NACC2: variants seen among roughly 807,000 people sequenced by gnomAD.
NACC2 encodes nucleus accumbens-associated protein 2.
In NACC2, 8 loss-of-function variants were observed where a neutral mutation model predicts 25.1. That is an observed-to-expected ratio of 0.32 (90% CI 0.19 to 0.57). The LOEUF is 0.57. NACC2 is among the 20% of genes least tolerant of loss of function. The probability of loss-of-function intolerance (pLI) is 0.89; values close to 1 mark genes in which losing one functional copy is unlikely to be tolerated. For synonymous variants in NACC2, 435 were observed against 294.7 expected (o/e 1.48, Z -4.88); for missense variants, 644 against 650.2 (o/e 0.99, Z 0.10).
intron 1 of NACC2, among the ~76,000 whole-genome samples, chr9:136,052,286 A>G (rs1001451160): frequency 6.6e-6 from 1 of 152,196 alleles, no homozygotes; most frequent in Non-Finnish European, 1.5e-5. Context: ...CTGGAAATTT[A>G]TGGTGCAGTT....
chr9:136,087,672 C>G (rs535614631), intron 1 of NACC2, among the ~76,000 whole-genome samples: 26 of 152,316 alleles, frequency 1.7e-4, no homozygotes, highest in Admixed American at 1.6e-3. Flanking sequence ...AAAACTGAGA[C>G]CCAGGGAGGC....
intron 1 of NACC2, among the ~76,000 whole-genome samples, chr9:136,052,944 G>A (rs1840869386): frequency 6.6e-6 from 1 of 152,246 alleles, no homozygotes; most frequent in Non-Finnish European, 1.5e-5. Flanking sequence ...TCTGCGTGGG[G>A]CCCTGAGGCT....
chr9:136,083,527 C>A (rs1830346993), intron 1 of NACC2, among the ~76,000 whole-genome samples: 2 of 152,252 alleles, frequency 1.3e-5, no homozygotes, highest in South Asian at 4.1e-4. Flanking sequence ...CACATGAGAG[C>A]TTCCCAGATT....
At chr9:136,087,507 C>T (rs1179716043) in intron 1 of NACC2, among the ~76,000 whole-genome samples, 3 of 152,210 alleles carry the variant, frequency 2.0e-5, no homozygotes, top group African/African-American at 4.8e-5. Context: ...GAAGGGAGGG[C>T]GACAGAGCCA....
intron 1 of NACC2, among the ~76,000 whole-genome samples, chr9:136,068,483 G>C (rs1248086889): frequency 2.3e-5 from 3 of 133,008 alleles, no homozygotes; most frequent in Non-Finnish European, 4.7e-5. Context: ...TGGGCAACAA[G>C]AGTGAAACTC....
intron 3 of NACC2, among the ~76,000 whole-genome samples, chr9:136,015,870 T>C (rs17040637): frequency 0.023 from 3,473 of 152,316 alleles, 120 homozygotes; most frequent in African/African-American, 0.079. Flanking sequence ...GACTCGGACG[T>C]GTTTGTTCTG....
chr9:136,022,321 T>C lies in NACC2; in HGVS notation c.887-5892A>G, dbSNP rs575248397. On this transcript the variant is annotated intron_variant, in intron 2 of 5. Coordinates refer to ENST00000277554, the MANE Select transcript of NACC2 (RefSeq NM_144653.5). The surrounding 1 kb of genome is among the most constrained non-coding windows in gnomAD (Gnocchi z 4.4). Reference sequence around the variant, plus strand: ...CGGGGAGATGACCACACTCTCCACATGGGGCTGTGTCCCACCCCCGAAAGC... The same window carrying C: ...CGGGGAGATGACCACACTCTCCACACGGGGCTGTGTCCCACCCCCGAAAGC... Among the ~76,000 whole-genome samples the C allele has an allele frequency of 6.6e-6, 1 of 152,256 alleles. No individual in the cohort carries two copies. The highest frequency in any genetic ancestry group is 2.4e-5 in the African/African-American group (1 of 41,540).
At chr9:136,058,941 G>A (rs537633759) in intron 1 of NACC2, among the ~76,000 whole-genome samples, 1 of 152,334 alleles carries the variant, frequency 6.6e-6, no homozygotes, top group South Asian at 2.1e-4. Context: ...GCCCCTGGAT[G>A]GGTAGCAGAG....
At chr9:136,021,987 C>T (rs1038060836) in intron 2 of NACC2, among the ~76,000 whole-genome samples, 1 of 152,236 alleles carries the variant, frequency 6.6e-6, no homozygotes. Context: ...GCGAGGGAGC[C>T]ATTGTGAATG....
Position 136,011,239 on chromosome 9 carries a change from G to C in NACC2, c.*277C>G, listed in dbSNP as rs1792309163. The C allele has an allele frequency of 1.1e-5, 3 of 263,562 alleles. No homozygotes were observed. Among genetic ancestry groups the C allele is most frequent in the Middle Eastern group, 1.1e-3 (1 of 928 alleles). The allele number at this position is 263,562 out of a possible 1,614,324, so 16.3% of individuals were successfully genotyped here. On this transcript the variant is annotated 3_prime_UTR_variant, in exon 6 of 6. Coordinates refer to ENST00000277554, the MANE Select transcript of NACC2 (RefSeq NM_144653.5). ...GGCGGCCTCCCACCCTCCCCAAGAA[G>C]GGGGAGGGAAGCTACACTTGGAGGC...
At chr9:136,062,597 C>T (rs1841028111) in intron 1 of NACC2, among the ~76,000 whole-genome samples, 1 of 152,214 alleles carries the variant, frequency 6.6e-6, no homozygotes, top group South Asian at 2.1e-4. Flanking sequence ...TCTGTACGTT[C>T]ACACCAGCCT....
chr9:136,012,165 C>A (rs1840121324), intron 5 of NACC2, 141 bp from the exon 6 acceptor site: 4 of 1,091,376 alleles, frequency 3.7e-6, no homozygotes, highest in Middle Eastern at 2.4e-4. Flanking sequence ...GCTCTCCTGG[C>A]CTCAGCCAGA....
intron 1 of NACC2, among the ~76,000 whole-genome samples, chr9:136,078,167 G>A (rs758548971): frequency 3.3e-5 from 5 of 152,190 alleles, no homozygotes; most frequent in African/African-American, 4.8e-5. Flanking sequence ...GGATGGACCA[G>A]GCACCCACTC....
rs1309202407 is a variant in NACC2, at chr9:136,086,173, T to G, written c.-60+9016A>C. ...CATTCTAAAAACCTTCAGAAGCCAC[T>G]CCCTGAATGTGGCCAGGACCCTCCA... On this transcript the variant is annotated intron_variant, in intron 1 of 5. Transcript: ENST00000277554. The surrounding 1 kb of genome is among the most constrained non-coding windows in gnomAD (Gnocchi z 5.6). Among the ~76,000 whole-genome samples, 1 of 152,182 alleles carries G rather than the reference T, an allele frequency of 6.6e-6. No individual in the cohort carries two copies. The highest frequency in any genetic ancestry group is 1.5e-5 in the Non-Finnish European group (1 of 68,006).
At chr9:136,049,612 T>A in intron 2 of NACC2, 24 bp downstream of exon 2, 2 of 764,714 alleles carry the variant, frequency 2.6e-6, no homozygotes, top group Non-Finnish European at 2.4e-6. Context: ...CCAGGTGGTG[T>A]GGGGCTCCAC....
At position 136,049,849 on chromosome 9, in the gene NACC2, CGTA is replaced by C; in HGVS notation, c.670_672del (p.Tyr224del). On this transcript the variant is annotated inframe_deletion, in exon 2 of 6. Transcript: ENST00000277554. ...ATGAGGGTGGCCAGGCTGGGCACCC[CGTA>C]GTAGGAGACACGGGGCAGTTTGAGA... 1 of 685,924 alleles carries C rather than the reference CGTA, an allele frequency of 1.5e-6. No individual in the cohort carries two copies. The highest frequency in any genetic ancestry group is 2.7e-6 in the Non-Finnish European group (1 of 368,878). The allele number at this position is 685,924 out of a possible 1,614,324, so 42.5% of individuals were successfully genotyped here.
At position 136,071,372 on chromosome 9, in the gene NACC2, G is replaced by A. The variant is rs549364764; in HGVS notation, c.-59-20792C>T. Among the ~76,000 whole-genome samples the A allele has an allele frequency of 2.6e-4, 39 of 151,754 alleles. 1 individual carries two copies. Among genetic ancestry groups the A allele is most frequent in the African/African-American group, 7.0e-4 (29 of 41,182 alleles). On this transcript the variant is annotated intron_variant, in intron 1 of 5. Transcript: ENST00000277554. ...AGCCTGGCCAACATGGTGAAACCCC[G>A]TCTCTACTAAAGATATGAAAATTAG... is the stretch of plus-strand genomic sequence containing the variant.
intron 2 of NACC2, among the ~76,000 whole-genome samples, chr9:136,025,822 G>A (rs1840378382): frequency 1.3e-5 from 2 of 152,104 alleles, no homozygotes; most frequent in Non-Finnish European, 2.9e-5. Context: ...AGTGGAGGCA[G>A]GAGAATCGCT....
At chr9:136,056,325 G>T (rs1048773445) in intron 1 of NACC2, among the ~76,000 whole-genome samples, 12 of 149,012 alleles carry the variant, frequency 8.1e-5, no homozygotes, top group African/African-American at 2.9e-4. Context: ...AGGGCCCTCG[G>T]CGGCCAGGAA....
Sources: gnomAD v4.1 joint callset for allele counts (sites outside exome capture counted in the v4.1 genomes callset) on GRCh38, gnomAD v4.1.1 for gene constraint, Gnocchi (gnomAD v3.1) non-coding constraint, MANE v1.5 for transcripts, NCBI Gene and HGNC (gene_info 2026-07-23, HGNC 2026-07-21) for gene names.